Variants in SEMA4C observed in about 807,000 individuals in gnomAD.
SEMA4C encodes semaphorin 4C, also known as semaphorin-4C.
SEMA4C carries 19 observed loss-of-function variants against 89.0 expected under a neutral mutation model. That is an observed-to-expected ratio of 0.21 (90% CI 0.15 to 0.31). The LOEUF (loss-of-function observed/expected upper bound fraction) is 0.31, where lower values mean the gene tolerates loss of function less well. Ranked by LOEUF, SEMA4C falls within the 10% of genes least tolerant of loss-of-function variation. The probability of loss-of-function intolerance (pLI) is 1.00; values close to 1 mark genes in which losing one functional copy is unlikely to be tolerated. For synonymous variants in SEMA4C, 428 were observed against 472.7 expected, an observed-to-expected ratio of 0.91 and a Z score of 1.23; for missense variants, 811 against 1,107.0, an observed-to-expected ratio of 0.73 and a Z score of 3.79.
chr2:96,870,724 C>A, upstream of SEMA4C: 2 of 985,512 alleles, frequency 2.0e-6, no homozygotes, highest in Non-Finnish European at 2.4e-6. Context: ...CCTCGTGCCA[C>A]TGGAAGGCTG....
rs748473155 is a variant in SEMA4C, at chr2:96,861,330, G to A, written c.1798C>T (p.Pro600Ser). 1.9e-6 allele frequency: 3 copies of A among 1,607,168 alleles called. No individual in the cohort carries two copies. The highest frequency in any genetic ancestry group is 2.7e-5 in the African/African-American group (2 of 75,058). Reference protein sequence around the residue: ...FGGRDLPAEQPGSFLYDARLQ... With the variant: ...FGGRDLPAEQSGSFLYDARLQ... The stretch of plus-strand genomic sequence containing the variant: ...CGGGCATCGTAGAGGAAGGACCCGG[G>A]CTGTTCCGCAGGCAGGTCCCGGCCC... The change falls in exon 15 of 15, where the codon CCC becomes TCC. Residue 600 changes from proline (P) to serine (S), a missense_variant. By Grantham distance (74) the Pro-to-Ser change is moderately conservative. This residue lies in a region of SEMA4C where 441 missense variants were observed against 664.9 expected (regional missense o/e 0.66). Transcript: ENST00000305476. The surrounding 1 kb of genome is among the most constrained non-coding windows in gnomAD (Gnocchi z 7.8).
intron 12 of SEMA4C, chr2:96,863,421 C>A: frequency 8.1e-7 from 1 of 1,241,190 alleles, no homozygotes; most frequent in African/African-American, 1.5e-5. Context: ...AACATGGGAG[C>A]AGTTGCCAAG....
intron 12 of SEMA4C, chr2:96,863,240 G>A (rs2079992729): frequency 2.0e-6 from 2 of 1,006,560 alleles, no homozygotes; most frequent in Non-Finnish European, 2.4e-6. Flanking sequence ...ATTGCACAAG[G>A]GTATAATGCA....
At chr2:96,866,576 G>C in intron 2 of SEMA4C, 145 bp from the exon 3 acceptor site, 1 of 1,197,922 alleles carries the variant, frequency 8.3e-7, no homozygotes, top group Non-Finnish European at 1.2e-6. Flanking sequence ...TTTTGAAACA[G>C]CCTTTGGCCC....
rs752586989 is a variant in SEMA4C, at chr2:96,861,305, C to T, written c.1823G>A (p.Arg608Gln). The change falls in exon 15 of 15, where the codon CGG becomes CAG. Residue 608 changes from arginine to glutamine, a missense_variant. By Grantham distance (43) the Arg-to-Gln change is conservative (BLOSUM62 1). Coordinates refer to ENST00000305476, the MANE Select transcript of SEMA4C (RefSeq NM_017789.5). The surrounding 1 kb of genome is among the most constrained non-coding windows in gnomAD (Gnocchi z 7.8). ...EQPGSFLYDARLQALVVMAAQ... is the reference protein window; with the variant it reads ...EQPGSFLYDAQLQALVVMAAQ... ...AGCCATCACAACCAGGGCCTGGAGC[C>T]GGGCATCGTAGAGGAAGGACCCGGG... The T allele has an allele frequency of 6.8e-6, 11 of 1,607,526 alleles. 1 individual carries two copies. In the South Asian group the frequency reaches 7.7e-5, roughly 11 times the overall value.
chr2:96,861,268 G>A lies in SEMA4C; in HGVS notation c.1860C>T (p.Arg620=). Residue 620 remains arginine, a synonymous_variant, in exon 15 of 15, where the codon CGC becomes CGT. Coordinates refer to ENST00000305476, the MANE Select transcript of SEMA4C (RefSeq NM_017789.5). The surrounding 1 kb of genome is among the most constrained non-coding windows in gnomAD (Gnocchi z 7.8). Reference sequence around the variant, plus strand: ...AAAAGCAGTGGTAGGCCCCGGCATGGCGGGGCTGGGCAGCCATCACAACCA... The same window carrying A: ...AAAAGCAGTGGTAGGCCCCGGCATGACGGGGCTGGGCAGCCATCACAACCA... The part of the protein sequence containing the change: ...QALVVMAAQP[R]HAGAYHCFSE... 1.2e-6 allele frequency: 2 copies of A among 1,607,356 alleles called. No homozygotes were observed. The highest frequency in any genetic ancestry group is 8.5e-7 in the Non-Finnish European group (1 of 1,179,376).
rs1178251762 is a variant in SEMA4C, at chr2:96,869,297, G to C, written c.-38+579C>G. On this transcript the variant is annotated intron_variant, in intron 1 of 14. Transcript: ENST00000305476. Reference sequence around the variant, plus strand: ...AAACGGGCAGCCGGGAGGAGGGGTTGGGGGGAGGGGTGCGGGATCCAGGCG... The same window carrying C: ...AAACGGGCAGCCGGGAGGAGGGGTTCGGGGGAGGGGTGCGGGATCCAGGCG... The C allele has an allele frequency of 3.0e-6, 3 of 985,344 alleles. No homozygotes were observed. The East Asian group carries it at 3.4e-4, about 112-fold the overall frequency. The allele number at this position is 985,344 out of a possible 1,614,324, so 61.0% of individuals were successfully genotyped here.
chr2:96,870,566 C>G (rs2153366336), upstream of SEMA4C: 1 of 985,504 alleles, frequency 1.0e-6, no homozygotes, highest in South Asian at 4.7e-5. Context: ...GCCCCCAATT[C>G]TGCCTCTTTC....
intron 1 of SEMA4C, chr2:96,868,858 A>ACTGCGCCCCAGGGACC: frequency 1.0e-6 from 1 of 985,304 alleles, no homozygotes; most frequent in Non-Finnish European, 1.2e-6. Context: ...CAACTCGGGG[A>ACTGCGCCCCAGGGACC]CTGCGCCCCA....
In SEMA4C at chr2:96,864,671, C is replaced by T. The variant is rs1392543858; in HGVS notation, c.962+34G>A. On this transcript the variant is annotated intron_variant, in intron 9 of 14. Transcript: ENST00000305476. This position sits in a 1 kb window ranked among gnomAD's most constrained non-coding sequence, Gnocchi z 6.3. ...ACCGTCCCTGACCTGAACCCCAGCT[C>T]CTCCCCACTCTGTGGGAGCCCTGGC... The T allele has an allele frequency of 6.3e-7, 1 of 1,578,246 alleles. No homozygotes were observed. The highest frequency in any genetic ancestry group is 1.7e-5 in the Admixed American group (1 of 57,892).
rs757029766 is a variant in SEMA4C at position 96,860,599 on chromosome 2, T to A, written c.*27A>T. ...AAAGTAGGAGCTACACCTCCCACGC[T>A]TCCCGCCGACGCGGTGGGGGTTCCC... On this transcript the variant is annotated 3_prime_UTR_variant, in exon 15 of 15. Coordinates refer to ENST00000305476, the MANE Select transcript of SEMA4C (RefSeq NM_017789.5). The A allele has an allele frequency of 3.2e-6, 5 of 1,563,210 alleles. No individual in the cohort carries two copies. The African/African-American group carries it at 6.8e-5, about 21-fold the overall frequency.
In SEMA4C at chr2:96,864,590, T is replaced by C. The variant is rs867793229; in HGVS notation, c.962+115A>G. 7.8e-6 allele frequency: 11 copies of C among 1,405,876 alleles called. No homozygotes were observed. Among genetic ancestry groups the C allele is most frequent in the Middle Eastern group, 5.2e-4 (2 of 3,830 alleles). The allele number at this position is 1,405,876 out of a possible 1,614,324, so 87.1% of individuals were successfully genotyped here. A position where few individuals can be genotyped will look rare whatever the true frequency, so the allele number is the denominator to read the frequency against. On this transcript the variant is annotated intron_variant, in intron 9 of 14. Coordinates refer to ENST00000305476, the MANE Select transcript of SEMA4C (RefSeq NM_017789.5). The surrounding 1 kb of genome is among the most constrained non-coding windows in gnomAD (Gnocchi z 6.3). ...AGGTGCCAGCATTCTCCTTGGCTTC[T>C]GGACACCTGGCTTCCGGGACTGCCT...
intron 1 of SEMA4C, chr2:96,868,987 AG>A: frequency 1.0e-6 from 1 of 985,324 alleles, no homozygotes; most frequent in African/African-American, 1.7e-5. Context: ...GTCCCCGCCA[AG>A]ACCCCGTCCC....
Position 96,861,804 on chromosome 2 carries a change from C to T in SEMA4C, c.1534G>A (p.Ala512Thr), listed in dbSNP as rs1275908421. The T allele has an allele frequency of 1.1e-5, 18 of 1,613,090 alleles. No individual in the cohort carries two copies. The highest frequency in any genetic ancestry group is 1.5e-5 in the Non-Finnish European group (18 of 1,180,002). ...KYRSCADCVL[A>T]RDPYCAWSVN... ...CTCCAGGCGCAATAGGGGTCCCGGG[C>T]GAGGACACAGTCTGCACAGGAGCGA... Residue 512 changes from alanine to threonine, a missense_variant, in exon 13 of 15, where the codon GCC becomes ACC. This residue lies in a region of SEMA4C where 441 missense variants were observed against 664.9 expected (regional missense o/e 0.66). Transcript: ENST00000305476. The surrounding 1 kb of genome is among the most constrained non-coding windows in gnomAD (Gnocchi z 7.8).
intron 12 of SEMA4C, 84 bp downstream of exon 12, chr2:96,863,598 G>T: frequency 7.1e-7 from 1 of 1,406,148 alleles, no homozygotes; most frequent in Non-Finnish European, 1.0e-6. Context: ...CAAGCACATA[G>T]GCCCAACTGG....
Position 96,865,000 on chromosome 2 carries a change from G to C in SEMA4C, c.750C>G (p.Ala250=), listed in dbSNP as rs569037926. Residue 250 remains alanine (A), a synonymous_variant, in exon 8 of 15, where the codon GCC becomes GCG. Transcript: ENST00000305476. The surrounding 1 kb of genome is among the most constrained non-coding windows in gnomAD (Gnocchi z 6.3). ...GGGCCACACGAGCCACCACCTGCTC[G>C]GCATAGCAGTCGGACTCCACTGCCC... is the stretch of plus-strand genomic sequence containing the variant. The part of the protein sequence containing the change: ...RERAVESDCY[A]EQVVARVARV... The C allele has an allele frequency of 6.4e-7, 1 of 1,564,976 alleles. No individual in the cohort carries two copies. Among genetic ancestry groups the C allele is most frequent in the South Asian group, 1.2e-5 (1 of 85,844 alleles).
chr2:96,864,567 G>A lies in SEMA4C; in HGVS notation c.962+138C>T, dbSNP rs574541822. 101 of 1,345,866 alleles carry A rather than the reference G, an allele frequency of 7.5e-5. No homozygotes were observed. The East Asian group carries it at 2.0e-3, about 26-fold the overall frequency. The allele number at this position is 1,345,866 out of a possible 1,614,324, so 83.4% of individuals were successfully genotyped here. On this transcript the variant is annotated intron_variant, in intron 9 of 14. Transcript: ENST00000305476. This position sits in a 1 kb window ranked among gnomAD's most constrained non-coding sequence, Gnocchi z 6.3. ...TCACAGGCAGCTCTGAAAGGGGCAG[G>A]TGCCAGCATTCTCCTTGGCTTCTGG...
At chr2:96,869,008 C>G in intron 1 of SEMA4C, 1 of 985,330 alleles carries the variant, frequency 1.0e-6, no homozygotes, top group Middle Eastern at 5.2e-4. Context: ...CGGGTCCCCC[C>G]GGGTTCTCCC....
chr2:96,868,885 C>G (rs2080143771), intron 1 of SEMA4C: 1 of 985,254 alleles, frequency 1.0e-6, no homozygotes, highest in Admixed American at 6.1e-5. Context: ...CTGGCCTGGG[C>G]GGGCCAGCGG....
Sources: gnomAD v4.1 joint callset for allele counts on GRCh38, gnomAD v4.1.1 for gene constraint, gnomAD v4.1.1 regional missense constraint, Gnocchi (gnomAD v3.1) non-coding constraint, MANE v1.5 for transcripts, NCBI Gene and HGNC (gene_info 2026-07-23, HGNC 2026-07-21) for gene names.